PPM1E: variants seen among roughly 807,000 people sequenced by gnomAD.
PPM1E encodes the protein protein phosphatase 1E.
Under a neutral mutation model 65.9 loss-of-function variants are expected in PPM1E, and 20 were observed. The ratio of observed to expected loss-of-function variants is 0.30; its 90% CI spans 0.21 to 0.44. PPM1E has a LOEUF of 0.44. PPM1E is among the 20% of genes least tolerant of loss of function. The pLI is 1.00. For missense variants in PPM1E, 713 were observed against 953.1 expected (o/e 0.75, Z 3.32); for synonymous variants, 352 against 374.9 (o/e 0.94, Z 0.70).
chr17:58,821,885 A>G (rs961821487), intron 1 of PPM1E, among the ~76,000 whole-genome samples: 1 of 152,228 alleles, frequency 6.6e-6, no homozygotes, highest in African/African-American at 2.4e-5. Flanking sequence ...TAAAATGACC[A>G]ATTATTCAAC....
At chr17:58,828,978 T>C (rs1314273298) in intron 1 of PPM1E, among the ~76,000 whole-genome samples, 1 of 152,170 alleles carries the variant, frequency 6.6e-6, no homozygotes, top group Non-Finnish European at 1.5e-5. Flanking sequence ...AATGTTTACA[T>C]TGTTTGAATT....
At chr17:58,773,172 G>T (rs2049957594) in intron 1 of PPM1E, among the ~76,000 whole-genome samples, 1 of 151,958 alleles carries the variant, frequency 6.6e-6, no homozygotes, top group Non-Finnish European at 1.5e-5. Flanking sequence ...TCTTTTAGAG[G>T]ATAAATGTAC....
chr17:58,817,975 G>A (rs1345697880), intron 1 of PPM1E, among the ~76,000 whole-genome samples: 1 of 152,064 alleles, frequency 6.6e-6, no homozygotes, highest in Non-Finnish European at 1.5e-5. Flanking sequence ...TCCTGACCTC[G>A]TGATCCACCC....
intron 1 of PPM1E, among the ~76,000 whole-genome samples, chr17:58,770,381 C>T (rs1254169982): frequency 6.6e-6 from 1 of 151,944 alleles, no homozygotes; most frequent in Non-Finnish European, 1.5e-5. Flanking sequence ...TATAATTGAG[C>T]TGGGCATGCT....
At chr17:58,941,044 C>G (rs1323046044) in intron 1 of PPM1E, among the ~76,000 whole-genome samples, 2 of 152,084 alleles carry the variant, frequency 1.3e-5, no homozygotes, top group African/African-American at 4.8e-5. Flanking sequence ...AAAAAACAAC[C>G]CAGTAAATTC....
chr17:58,938,223 TTTAGAG>T, intron 1 of PPM1E, among the ~76,000 whole-genome samples: 1 of 152,316 alleles, frequency 6.6e-6, no homozygotes, highest in East Asian at 1.9e-4. Flanking sequence ...TAGAATTGAC[TTTAGAG>T]TTATTTTATT....
intron 1 of PPM1E, among the ~76,000 whole-genome samples, chr17:58,830,398 C>T (rs2050590558): frequency 6.6e-6 from 1 of 151,750 alleles, no homozygotes. Context: ...AGCTTCGCCT[C>T]CCAGGTTCAC....
At position 58,915,953 on chromosome 17, in the gene PPM1E, C is replaced by T. The variant is rs191544367; in HGVS notation, c.465-39696C>T. Among the ~76,000 whole-genome samples, 3 of 152,234 alleles carry T rather than the reference C, an allele frequency of 2.0e-5. No individual in the cohort carries two copies. In the East Asian group the frequency reaches 5.8e-4, roughly 29 times the overall value. On this transcript the variant is annotated intron_variant, in intron 1 of 6. Transcript: ENST00000308249. ...TGGGTACAATCATACTTCATCTTTA[C>T]CTATGTCTACTATTCAGCATGCATT...
At chr17:58,978,042 T>G (rs1167005687) in intron 6 of PPM1E, among the ~76,000 whole-genome samples, 1 of 152,228 alleles carries the variant, frequency 6.6e-6, no homozygotes, top group Non-Finnish European at 1.5e-5. Context: ...CCAACTTTCT[T>G]GTGTCAAAGA....
At chr17:58,906,392 G>A (rs186821802) in intron 1 of PPM1E, among the ~76,000 whole-genome samples, 98 of 152,272 alleles carry the variant, frequency 6.4e-4, no homozygotes, top group African/African-American at 2.2e-3. Context: ...AGGCTGGAGT[G>A]CAGTGGCACT....
chr17:58,955,483 T>C, intron 1 of PPM1E, 166 bp from the exon 2 acceptor site: 1 of 739,760 alleles, frequency 1.4e-6, no homozygotes, highest in South Asian at 1.5e-5. Flanking sequence ...CATCAATATA[T>C]ATCCAGTGCC....
chr17:58,805,400 G>A (rs932078035), intron 1 of PPM1E, among the ~76,000 whole-genome samples: 19 of 152,168 alleles, frequency 1.2e-4, no homozygotes, highest in African/African-American at 4.1e-4. Context: ...ACAGGCATGC[G>A]CCACCACAGC....
chr17:58,980,395 G>A lies in PPM1E; in HGVS notation c.1632G>A (p.Gly544=), dbSNP rs1255671763. The A allele has an allele frequency of 6.2e-7, 1 of 1,614,130 alleles. No homozygotes were observed. The highest frequency in any genetic ancestry group is 1.1e-5 in the South Asian group (1 of 91,072). Reference sequence around the variant, plus strand: ...CACCAGCCGACCTAGGCTATGATGGGCGTGTGGATTCATTCACTGATAGAA... The same window carrying A: ...CACCAGCCGACCTAGGCTATGATGGACGTGTGGATTCATTCACTGATAGAA... ...CSAPADLGYD[G]RVDSFTDRTS... is the part of the protein sequence containing the mutation. The change falls in exon 7 of 7, where the codon GGG becomes GGA. Residue 544 remains glycine (G), a synonymous_variant. Transcript: ENST00000308249. The surrounding 1 kb of genome is among the most constrained non-coding windows in gnomAD (Gnocchi z 4.7).
At chr17:58,815,749 G>A (rs553922305) in intron 1 of PPM1E, among the ~76,000 whole-genome samples, 4 of 152,128 alleles carry the variant, frequency 2.6e-5, no homozygotes, top group Non-Finnish European at 5.9e-5. Context: ...GATATTATAT[G>A]CTAATCATTA....
Position 58,980,781 on chromosome 17 carries a change from A to ACTAC in PPM1E, c.2019_2022dup (p.Ser675LeufsTer11). ...TCTAGATTGTCTCATTTACGCCACC[A>ACTAC]CTACTCAAAGAAGTGGCACAGATTC... On this transcript the variant is annotated frameshift_variant, in exon 7 of 7. Coordinates refer to ENST00000308249, the MANE Select transcript of PPM1E (RefSeq NM_014906.5). LOFTEE classifies it high-confidence loss of function. This position sits in a 1 kb window ranked among gnomAD's most constrained non-coding sequence, Gnocchi z 4.7. 1 of 1,614,156 alleles carries ACTAC rather than the reference A, an allele frequency of 6.2e-7. No homozygotes were observed.
intron 2 of PPM1E, among the ~76,000 whole-genome samples, chr17:58,961,275 A>G (rs1402166973): frequency 6.6e-6 from 1 of 152,210 alleles, no homozygotes; most frequent in East Asian, 1.9e-4. Flanking sequence ...AACAGTTTAC[A>G]TATTTATTTT....
intron 1 of PPM1E, among the ~76,000 whole-genome samples, chr17:58,857,064 G>A (rs1046294358): frequency 6.6e-6 from 1 of 151,886 alleles, no homozygotes; most frequent in Non-Finnish European, 1.5e-5. Flanking sequence ...TTTATACTTC[G>A]TCTCTCTACT....
At chr17:58,776,897 A>G (rs2049999325) in intron 1 of PPM1E, among the ~76,000 whole-genome samples, 1 of 152,148 alleles carries the variant, frequency 6.6e-6, no homozygotes, top group African/African-American at 2.4e-5. Context: ...GCTTAGAATA[A>G]AGAGTTAGAA....
intron 1 of PPM1E, among the ~76,000 whole-genome samples, chr17:58,870,947 G>A (rs1055226517): frequency 2.6e-5 from 4 of 152,254 alleles, no homozygotes; most frequent in African/African-American, 4.8e-5. Flanking sequence ...TGTCACCCTT[G>A]TGTTGGTTTT....
Sources: allele counts gnomAD v4.1 joint callset (sites outside exome capture counted in the v4.1 genomes callset), GRCh38; gene constraint gnomAD v4.1.1; non-coding constraint Gnocchi (gnomAD v3.1); transcripts MANE v1.5; gene names NCBI Gene and HGNC (gene_info 2026-07-23, HGNC 2026-07-21).